FOXP2: variants seen among roughly 807,000 people sequenced by gnomAD.
FOXP2 encodes forkhead box protein P2.
In FOXP2, 12 loss-of-function variants were observed where a neutral mutation model predicts 115.8. The observed-to-expected ratio is 0.10, with a 90% CI of 0.07 to 0.17. FOXP2 has a LOEUF of 0.17. Ranked by LOEUF, FOXP2 falls within the 10% of genes least tolerant of loss-of-function variation. The pLI is 1.00. For missense variants in FOXP2, 629 were observed against 843.5 expected (o/e 0.75, Z 3.15); for synonymous variants, 328 against 297.7 (o/e 1.10, Z -1.05).
In FOXP2 at chr7:114,278,855, G is replaced by T. The variant is rs951312073; in HGVS notation, c.-101-9164G>T. On this transcript the variant is annotated intron_variant, in intron 1 of 17. Coordinates refer to the FOXP2 transcript ENST00000634411. ...TTTGCTGAAGTTAAACTGACTCTCA[G>T]AAGAAAATCCAGTGCCTGACCCAGT... is the stretch of plus-strand genomic sequence containing the variant. Among the ~76,000 whole-genome samples the T allele has an allele frequency of 4.6e-5, 7 of 152,170 alleles. No individual in the cohort carries two copies. In the East Asian group the frequency reaches 1.4e-3, roughly 29 times the overall value.
In FOXP2 at chr7:114,448,897, C is replaced by T. The variant is rs568749930; in HGVS notation, c.168+22218C>T. Among the ~76,000 whole-genome samples the T allele has an allele frequency of 2.6e-5, 4 of 152,168 alleles. No individual in the cohort carries two copies. The South Asian group carries it at 8.3e-4, about 32-fold the overall frequency. ...TAAAATTGTGTATGCTGTGAAAAAA[C>T]TGGAATGGAACATTTTTGGTGAATA... On this transcript the variant is annotated intron_variant, in intron 2 of 16. Coordinates refer to ENST00000350908, the MANE Select transcript of FOXP2 (RefSeq NM_014491.4).
intron 3 of FOXP2, among the ~76,000 whole-genome samples, chr7:114,618,415 T>G (rs1766123323): frequency 6.6e-6 from 1 of 151,782 alleles, no homozygotes; most frequent in Admixed American, 6.6e-5. Flanking sequence ...TGAGCAAGAG[T>G]TGGAATCCTA....
At chr7:114,287,434 A>T (rs1796493458) in intron 1 of FOXP2, among the ~76,000 whole-genome samples, 1 of 151,986 alleles carries the variant, frequency 6.6e-6, no homozygotes, top group Non-Finnish European at 1.5e-5. Flanking sequence ...GAAAGGTGTG[A>T]GCTAAATCTC....
At chr7:114,327,869 A>T (rs958955591) in intron 2 of FOXP2, among the ~76,000 whole-genome samples, 2 of 140,906 alleles carry the variant, frequency 1.4e-5, no homozygotes, top group African/African-American at 5.2e-5. Flanking sequence ...ACCATTTTTC[A>T]CTATGTAAGT....
At chr7:114,686,416 A>G (rs1421224748) in intron 16 of FOXP2, among the ~76,000 whole-genome samples, 1 of 152,064 alleles carries the variant, frequency 6.6e-6, no homozygotes, top group African/African-American at 2.4e-5. Flanking sequence ...CAAGTGATCC[A>G]CCCACCTTGG....
At chr7:114,235,118 T>G (rs1182254704) in intron 1 of FOXP2, among the ~76,000 whole-genome samples, 1 of 151,960 alleles carries the variant, frequency 6.6e-6, no homozygotes, top group Non-Finnish European at 1.5e-5. Flanking sequence ...CATATAGTTT[T>G]CAATAGTCAT....
intron 2 of FOXP2, among the ~76,000 whole-genome samples, chr7:114,292,355 C>G (rs921190943): frequency 6.6e-6 from 1 of 152,070 alleles, no homozygotes; most frequent in Non-Finnish European, 1.5e-5. Context: ...AGTTTTCTTA[C>G]AGTACAGTTC....
intron 1 of FOXP2, among the ~76,000 whole-genome samples, chr7:114,140,274 G>A (rs1249704695): frequency 6.6e-6 from 1 of 151,836 alleles, no homozygotes; most frequent in East Asian, 1.9e-4. Context: ...TATTATTTTC[G>A]TGAAAATTAT....
At chr7:114,282,273 T>C (rs1210676982) in intron 1 of FOXP2, among the ~76,000 whole-genome samples, 1 of 152,176 alleles carries the variant, frequency 6.6e-6, no homozygotes, top group Non-Finnish European at 1.5e-5. Flanking sequence ...AACTACAAAT[T>C]ATGTTTTATT....
chr7:114,568,086 CTTTATT>C (rs1418347398), intron 3 of FOXP2, among the ~76,000 whole-genome samples: 2 of 151,854 alleles, frequency 1.3e-5, no homozygotes, highest in Non-Finnish European at 2.9e-5. Flanking sequence ...CCTTTTAACT[CTTTATT>C]TTTATTGATT....
At chr7:114,633,684 T>C (rs924741622) in intron 6 of FOXP2, among the ~76,000 whole-genome samples, 2 of 152,130 alleles carry the variant, frequency 1.3e-5, no homozygotes, top group Non-Finnish European at 2.9e-5. Flanking sequence ...AAAAATATCA[T>C]TGTGGAGGCT....
chr7:114,627,450 C>G (rs1023283722), intron 3 of FOXP2, among the ~76,000 whole-genome samples: 5 of 152,170 alleles, frequency 3.3e-5, no homozygotes, highest in Admixed American at 2.0e-4. Flanking sequence ...TGATTGCATA[C>G]TGGTTAGTAC....
chr7:114,257,607 C>T (rs1191442907), intron 1 of FOXP2, among the ~76,000 whole-genome samples: 1 of 151,462 alleles, frequency 6.6e-6, no homozygotes, highest in Non-Finnish European at 1.5e-5. Flanking sequence ...GAGCCTGCCA[C>T]CATGCCCGGC....
At chr7:114,168,200 A>G (rs1157551789) in intron 1 of FOXP2, among the ~76,000 whole-genome samples, 1 of 152,140 alleles carries the variant, frequency 6.6e-6, no homozygotes, top group Non-Finnish European at 1.5e-5. Flanking sequence ...TTACCCAAAA[A>G]TGTGGAAGTT....
At chr7:114,243,365 A>C (rs966465707) in intron 1 of FOXP2, among the ~76,000 whole-genome samples, 1 of 152,078 alleles carries the variant, frequency 6.6e-6, no homozygotes, top group Non-Finnish European at 1.5e-5. Flanking sequence ...CAGAAACCAG[A>C]TCAAAGCACA....
At chr7:114,404,044 A>T (rs1276713341) in intron 2 of FOXP2, among the ~76,000 whole-genome samples, 1 of 152,150 alleles carries the variant, frequency 6.6e-6, no homozygotes, top group African/African-American at 2.4e-5. Flanking sequence ...CTAATACTAT[A>T]GTTAGCTTTA....
chr7:114,282,858 T>C (rs887642310), intron 1 of FOXP2, among the ~76,000 whole-genome samples: 1 of 152,190 alleles, frequency 6.6e-6, no homozygotes, highest in African/African-American at 2.4e-5. Context: ...ATGATAGTAA[T>C]ATGATGTTTC....
At chr7:114,592,824 A>G (rs114995680) in intron 3 of FOXP2, among the ~76,000 whole-genome samples, 1,626 of 152,150 alleles carry the variant, frequency 0.011, 32 homozygotes, top group African/African-American at 0.038. Flanking sequence ...GTGAATGTCC[A>G]TTTACCTCAA....
chr7:114,608,816 C>T (rs1212701576), intron 3 of FOXP2, among the ~76,000 whole-genome samples: 1 of 152,128 alleles, frequency 6.6e-6, no homozygotes, highest in African/African-American at 2.4e-5. Context: ...TAACCCTGTA[C>T]CTGGATAAAA....
Sources: allele counts gnomAD v4.1 joint callset (sites outside exome capture counted in the v4.1 genomes callset), GRCh38; gene constraint gnomAD v4.1.1; transcripts MANE v1.5; gene names NCBI Gene and HGNC (gene_info 2026-07-23, HGNC 2026-07-21).